The following TMC1 variants were observed in gnomAD, a reference collection of about 807,000 sequenced individuals.
TMC1 encodes the protein transmembrane channel-like protein 1.
Under a neutral mutation model 105.8 loss-of-function variants are expected in TMC1, and 84 were observed. That is an observed-to-expected ratio of 0.79 (90% CI 0.67 to 0.95). The LOEUF (loss-of-function observed/expected upper bound fraction) is 0.95, where lower values mean the gene tolerates loss of function less well. Ranked by LOEUF, TMC1 falls within the 40% of genes least tolerant of loss-of-function variation. The probability of loss-of-function intolerance (pLI) is 0.00; values close to 1 mark genes in which losing one functional copy is unlikely to be tolerated. For missense variants in TMC1, 817 were observed against 914.1 expected (o/e 0.89, Z 1.37); for synonymous variants, 315 against 311.5 (o/e 1.01, Z -0.12).
chr9:72,619,977 G>A (rs536319751), intron 3 of TMC1, among the ~76,000 whole-genome samples: 2 of 151,868 alleles, frequency 1.3e-5, no homozygotes, highest in Admixed American at 1.3e-4. Context: ...TGGGACTACA[G>A]GCATGTGCCA....
At chr9:72,756,764 T>C (rs1419901921) in intron 12 of TMC1, among the ~76,000 whole-genome samples, 1 of 152,240 alleles carries the variant, frequency 6.6e-6, no homozygotes. Context: ...TAAATACTTC[T>C]GAATTTCCCA....
At chr9:72,682,415 A>C (rs1394515659) in intron 5 of TMC1, among the ~76,000 whole-genome samples, 1 of 152,164 alleles carries the variant, frequency 6.6e-6, no homozygotes, top group East Asian at 1.9e-4. Flanking sequence ...AGGTTTATTA[A>C]GGTATTTGAT....
chr9:72,615,325 A>G (rs577607424), intron 2 of TMC1, among the ~76,000 whole-genome samples: 1 of 152,316 alleles, frequency 6.6e-6, no homozygotes, highest in Admixed American at 6.5e-5. Flanking sequence ...GCTGAAAGTC[A>G]CACAGTCAGT....
intron 2 of TMC1, among the ~76,000 whole-genome samples, chr9:72,596,687 C>T (rs13285932): frequency 0.42 from 63,080 of 151,948 alleles, 13,206 homozygotes; most frequent in African/African-American, 0.47. Context: ...TACCGTTCTT[C>T]GTGAAAACCA....
intron 17 of TMC1, among the ~76,000 whole-genome samples, chr9:72,800,276 T>G (rs1328021646): frequency 6.6e-6 from 1 of 152,180 alleles, no homozygotes; most frequent in East Asian, 1.9e-4. Context: ...CCCTAAATCT[T>G]CAGCATACGA....
chr9:72,800,668 G>T (rs1175418309), intron 17 of TMC1, among the ~76,000 whole-genome samples: 3 of 150,640 alleles, frequency 2.0e-5, no homozygotes, highest in Non-Finnish European at 4.4e-5. Context: ...AAACCTGTCT[G>T]TAGTGATTTT....
intron 12 of TMC1, among the ~76,000 whole-genome samples, chr9:72,768,096 G>A (rs1287827010): frequency 6.6e-6 from 1 of 152,140 alleles, no homozygotes. Flanking sequence ...ATGATAGACT[G>A]GATAAAGAAA....
chr9:72,647,246 ATTT>A (rs1564466129), intron 4 of TMC1, among the ~76,000 whole-genome samples: 2 of 151,360 alleles, frequency 1.3e-5, no homozygotes, highest in African/African-American at 4.9e-5. Context: ...ATGAATAGAA[ATTT>A]TTTTATTTTA....
intron 5 of TMC1, among the ~76,000 whole-genome samples, chr9:72,656,588 A>G (rs1461947547): frequency 1.3e-5 from 2 of 152,128 alleles, no homozygotes; most frequent in Non-Finnish European, 2.9e-5. Flanking sequence ...AAATTACTAT[A>G]TCTGTTTCTA....
At chr9:72,808,375 G>C (rs138723960) in intron 18 of TMC1, among the ~76,000 whole-genome samples, 1 of 152,314 alleles carries the variant, frequency 6.6e-6, no homozygotes, top group African/African-American at 2.4e-5. Flanking sequence ...TAAAGACTCA[G>C]CTATTATGTT....
At chr9:72,744,949 T>A (rs993992440) in intron 10 of TMC1, among the ~76,000 whole-genome samples, 18 of 152,344 alleles carry the variant, frequency 1.2e-4, no homozygotes, top group African/African-American at 4.3e-4. Flanking sequence ...TATCCAATAA[T>A]AACCTTCAGT....
Position 72,751,852 on chromosome 9 carries a change from C to G in TMC1, c.538C>G (p.Gln180Glu). 1 of 1,596,972 alleles carries G rather than the reference C, an allele frequency of 6.3e-7. No homozygotes were observed. Among genetic ancestry groups the G allele is most frequent in the Non-Finnish European group, 8.6e-7 (1 of 1,164,672 alleles). ...ACTTTTTATTTTCTTTGTAATAGGT[C>G]AGTTTGGCTCCTCAGTGGCCTCATA... ...WENKIKAIES[Q>E]FGSSVASYFL... The change falls in exon 11 of 24, where the codon CAG becomes GAG. Residue 180 changes from glutamine (Q) to glutamate (E), a missense_variant and splice_region_variant. Gln to Glu is a conservative substitution (Grantham distance 29). Coordinates refer to ENST00000297784, the MANE Select transcript of TMC1 (RefSeq NM_138691.3).
At chr9:72,715,988 T>A (rs548305630) in intron 8 of TMC1, among the ~76,000 whole-genome samples, 1 of 152,346 alleles carries the variant, frequency 6.6e-6, no homozygotes, top group East Asian at 1.9e-4. Context: ...CCTTTCTGTT[T>A]GTTAGTTTTC....
chr9:72,621,624 G>A lies in TMC1; in HGVS notation c.-196+5147G>A, dbSNP rs186925398. Among the ~76,000 whole-genome samples the A allele has an allele frequency of 2.6e-5, 4 of 152,042 alleles. No homozygotes were observed. The East Asian group carries it at 7.7e-4, about 29-fold the overall frequency. On this transcript the variant is annotated intron_variant, in intron 3 of 23. Transcript: ENST00000297784. ...CAAACTAAAATCACTCTACAGAAAG[G>A]CTGTACAGCAAATGAGTAGAGAACA...
chr9:72,704,460 G>A (rs534164094), intron 8 of TMC1, among the ~76,000 whole-genome samples: 2 of 152,140 alleles, frequency 1.3e-5, no homozygotes, highest in Admixed American at 6.5e-5. Context: ...TTTTTAAAGA[G>A]CATCTACCAT....
At chr9:72,790,591 A>G (rs72733078) in intron 15 of TMC1, among the ~76,000 whole-genome samples, 13,817 of 152,230 alleles carry the variant, frequency 0.091, 794 homozygotes, top group Non-Finnish European at 0.14. Context: ...TAAATAAACC[A>G]TATTAAAGGA....
At chr9:72,806,481 G>A (rs1457718284) in intron 18 of TMC1, among the ~76,000 whole-genome samples, 12 of 150,694 alleles carry the variant, frequency 8.0e-5, no homozygotes, top group East Asian at 2.0e-4. Flanking sequence ...GCTGCCGGGC[G>A]GAGAGGCTCC....
chr9:72,529,516 G>T (rs190579051), intron 1 of TMC1, among the ~76,000 whole-genome samples: 2 of 152,190 alleles, frequency 1.3e-5, no homozygotes, highest in Non-Finnish European at 2.9e-5. Context: ...TCTATATAGT[G>T]TGTATATACA....
intron 1 of TMC1, among the ~76,000 whole-genome samples, chr9:72,544,679 C>T (rs541843078): frequency 2.6e-5 from 4 of 151,564 alleles, no homozygotes; most frequent in East Asian, 1.9e-4. Flanking sequence ...GGGGTTTTGC[C>T]GTGTTGGCCA....
Sources: gnomAD v4.1 joint callset for allele counts (sites outside exome capture counted in the v4.1 genomes callset) on GRCh38, gnomAD v4.1.1 for gene constraint, MANE v1.5 for transcripts, NCBI Gene and HGNC (gene_info 2026-07-23, HGNC 2026-07-21) for gene names.